The following PRKAR1B variants were observed in gnomAD, a reference collection of about 807,000 sequenced individuals.
PRKAR1B encodes the protein protein kinase cAMP-dependent type I regulatory subunit beta.
A neutral mutation model predicts 46.5 loss-of-function variants in PRKAR1B; 22 were observed. That is an observed-to-expected ratio of 0.47 (90% CI 0.34 to 0.68). The LOEUF is 0.68. Ranked by LOEUF, PRKAR1B falls within the 30% of genes least tolerant of loss-of-function variation. The probability of loss-of-function intolerance (pLI) is 0.01; values close to 1 mark genes in which losing one functional copy is unlikely to be tolerated. For synonymous variants in PRKAR1B, 259 were observed against 217.7 expected (o/e 1.19, Z -1.67); for missense variants, 445 against 535.6 (o/e 0.83, Z 1.67).
intron 4 of PRKAR1B, among the ~76,000 whole-genome samples, chr7:664,620 C>T (rs529527065): frequency 7.7e-4 from 117 of 152,250 alleles, no homozygotes; most frequent in Admixed American, 1.2e-3. Context: ...CAAAATGTTA[C>T]AGCAGCTGCT....
intron 9 of PRKAR1B, among the ~76,000 whole-genome samples, chr7:568,660 G>A (rs756422832): frequency 2.2e-4 from 34 of 152,242 alleles, no homozygotes; most frequent in Non-Finnish European, 7.3e-5. Flanking sequence ...CCTGCTGCGG[G>A]GGGTGGACGA....
intron 10 of PRKAR1B, among the ~76,000 whole-genome samples, chr7:551,164 C>A (rs1274516078): frequency 1.3e-5 from 2 of 152,112 alleles, no homozygotes; most frequent in African/African-American, 4.8e-5. Flanking sequence ...TCTGGGGGAC[C>A]CCACGTCCAG....
At chr7:601,811 C>T (rs970187044) in intron 6 of PRKAR1B, among the ~76,000 whole-genome samples, 3 of 151,700 alleles carry the variant, frequency 2.0e-5, no homozygotes, top group South Asian at 2.1e-4. Flanking sequence ...CATCCACCCA[C>T]GGGGCTCAGA....
chr7:573,621 C>T (rs570267809), intron 9 of PRKAR1B, among the ~76,000 whole-genome samples: 45 of 152,356 alleles, frequency 3.0e-4, no homozygotes, highest in African/African-American at 1.1e-3. Flanking sequence ...TCACGAAAAT[C>T]AGCCGTAACG....
chr7:640,489 G>A (rs372523343), intron 4 of PRKAR1B, among the ~76,000 whole-genome samples: 5 of 152,286 alleles, frequency 3.3e-5, no homozygotes, highest in East Asian at 3.9e-4. Context: ...GAGGCTGGGC[G>A]CGGTGGCTCA....
intron 4 of PRKAR1B, among the ~76,000 whole-genome samples, chr7:639,686 C>T (rs1270508778): frequency 6.6e-6 from 1 of 151,634 alleles, no homozygotes; most frequent in Admixed American, 6.6e-5. Context: ...CCCATCTCTA[C>T]AAAAAAATTA....
At chr7:590,790 C>T (rs920348617) in intron 7 of PRKAR1B, among the ~76,000 whole-genome samples, 16 of 152,146 alleles carry the variant, frequency 1.1e-4, no homozygotes, top group African/African-American at 2.4e-4. Flanking sequence ...AAGACCAAGA[C>T]GGTGCAGACG....
At chr7:611,581 G>A (rs1381103530) in intron 4 of PRKAR1B, among the ~76,000 whole-genome samples, 3 of 152,210 alleles carry the variant, frequency 2.0e-5, no homozygotes, top group East Asian at 1.9e-4. Context: ...CTCACTCCAC[G>A]GATGGCTTCC....
chr7:695,157 C>T (rs115847027), intron 2 of PRKAR1B, among the ~76,000 whole-genome samples: 5,086 of 152,238 alleles, frequency 0.033, 314 homozygotes, highest in African/African-American at 0.12. Context: ...ACCAGACGAC[C>T]GCTCAGCTAC....
At chr7:682,195 C>A (rs995129456) in intron 2 of PRKAR1B, among the ~76,000 whole-genome samples, 1 of 152,106 alleles carries the variant, frequency 6.6e-6, no homozygotes, top group Non-Finnish European at 1.5e-5. Context: ...TGAGCACACT[C>A]CTTTCCTAGA....
chr7:644,449 G>A lies in PRKAR1B; in HGVS notation c.440+32780C>T, dbSNP rs1314608257. On this transcript the variant is annotated intron_variant, in intron 4 of 10. Coordinates refer to ENST00000537384, the MANE Select transcript of PRKAR1B (RefSeq NM_001164760.2). The surrounding 1 kb of genome is among the most constrained non-coding windows in gnomAD (Gnocchi z 4.9). ...GGGGTCTCCACGGGAAGCCCTCTCT[G>A]CCTGCAGGCTCTTGCATCAGGAGGG... Among the ~76,000 whole-genome samples, 1 of 152,120 alleles carries A rather than the reference G, an allele frequency of 6.6e-6. No homozygotes were observed. Among genetic ancestry groups the A allele is most frequent in the African/African-American group, 2.4e-5 (1 of 41,432 alleles).
At chr7:665,438 C>T (rs1785854725) in intron 4 of PRKAR1B, among the ~76,000 whole-genome samples, 1 of 152,124 alleles carries the variant, frequency 6.6e-6, no homozygotes, top group African/African-American at 2.4e-5. Flanking sequence ...GGCCCATGGC[C>T]CAGGGACTGG....
At chr7:573,659 C>T (rs1218885813) in intron 9 of PRKAR1B, among the ~76,000 whole-genome samples, 1 of 152,230 alleles carries the variant, frequency 6.6e-6, no homozygotes, top group African/African-American at 2.4e-5. Context: ...CACTGCGGGG[C>T]CTGGCTCCCA....
At chr7:685,773 A>G (rs572944052) in intron 2 of PRKAR1B, among the ~76,000 whole-genome samples, 6 of 152,284 alleles carry the variant, frequency 3.9e-5, no homozygotes, top group African/African-American at 1.4e-4. Flanking sequence ...CAGCTAAACT[A>G]GCATTCATGT....
chr7:586,845 G>A (rs984697441), intron 7 of PRKAR1B, among the ~76,000 whole-genome samples: 6 of 151,466 alleles, frequency 4.0e-5, no homozygotes, highest in East Asian at 1.9e-4. Context: ...CTGCCACAAC[G>A]CCTGGGGGCA....
intron 4 of PRKAR1B, among the ~76,000 whole-genome samples, chr7:668,566 T>C (rs897553724): frequency 6.6e-6 from 1 of 152,144 alleles, no homozygotes; most frequent in African/African-American, 2.4e-5. Flanking sequence ...AAGCCAGCCT[T>C]ACAAAGAGGA....
chr7:550,209 T>C lies in PRKAR1B; in HGVS notation c.*221A>G. On this transcript the variant is annotated 3_prime_UTR_variant, in exon 11 of 11. Coordinates refer to ENST00000537384, the MANE Select transcript of PRKAR1B (RefSeq NM_001164760.2). ...GGAGGAAGCTGGCCTGTCCCTTCCTTGATCTTGGGATGCATTTTGTCCGCT... is the reference window on the plus strand; with the variant it reads ...GGAGGAAGCTGGCCTGTCCCTTCCTCGATCTTGGGATGCATTTTGTCCGCT... 1 of 561,344 alleles carries C rather than the reference T, an allele frequency of 1.8e-6. No homozygotes were observed. The allele number at this position is 561,344 out of a possible 1,614,324, so 34.8% of individuals were successfully genotyped here.
At chr7:596,111 G>T in intron 7 of PRKAR1B, 35 bp downstream of exon 7, 8 of 1,597,702 alleles carry the variant, frequency 5.0e-6, no homozygotes, top group Non-Finnish European at 6.8e-6. Flanking sequence ...CCAAGGGTGG[G>T]TGTTGGCCTT....
chr7:628,802 C>T (rs1783559987), intron 4 of PRKAR1B, among the ~76,000 whole-genome samples: 1 of 151,668 alleles, frequency 6.6e-6, no homozygotes, highest in African/African-American at 2.4e-5. Context: ...TCCAAGAAAC[C>T]CTCTGAAATT....
Sources: allele counts gnomAD v4.1 joint callset (sites outside exome capture counted in the v4.1 genomes callset), GRCh38; gene constraint gnomAD v4.1.1; non-coding constraint Gnocchi (gnomAD v3.1); transcripts MANE v1.5; gene names NCBI Gene and HGNC (gene_info 2026-07-23, HGNC 2026-07-21).